TIGD5: variants seen among roughly 807,000 people sequenced by gnomAD.
TIGD5 encodes tigger transposable element derived 5.
A neutral mutation model predicts 28.8 loss-of-function variants in TIGD5; 24 were observed. The observed-to-expected ratio is 0.83, with a 90% confidence interval of 0.60 to 1.17. TIGD5 has a LOEUF of 1.17. Ranked by LOEUF, TIGD5 falls within the 50% of genes most tolerant of loss-of-function variation. TIGD5 has a pLI of 0.00. For missense variants in TIGD5, 922 were observed against 911.4 expected (o/e 1.01, Z -0.15); for synonymous variants, 538 against 430.5 (o/e 1.25, Z -3.09).
rs1564009037 is a variant in TIGD5 at position 143,601,095 on chromosome 8, G to GGGAA, written c.*1265_*1266insAAGG. On this transcript the variant is annotated 3_prime_UTR_variant, in exon 1 of 1. Coordinates refer to ENST00000504548, the MANE Select transcript of TIGD5 (RefSeq NM_032862.5). ...GCAGGGGTAGGCTGGAGGCCTGCACGGGGAAGGGAAGGGCTGTGCACCAGC... is the reference window on the plus strand; with the variant it reads ...GCAGGGGTAGGCTGGAGGCCTGCACGGGAAGGGAAGGGAAGGGCTGTGCACCAGC... 4.6e-5 allele frequency: 7 copies of GGGAA among 152,148 alleles called. No individual in the cohort carries two copies. Among genetic ancestry groups the GGGAA allele is most frequent in the Non-Finnish European group, 7.3e-5 (5 of 68,088 alleles). The allele number at this position is 152,148 out of a possible 1,614,324, so 9.4% of individuals were successfully genotyped here.
Position 143,599,481 on chromosome 8 carries a change from G to C in TIGD5, c.1578G>C (p.Pro526=). The C allele has an allele frequency of 6.3e-7, 1 of 1,592,034 alleles. No individual in the cohort carries two copies. The highest frequency in any genetic ancestry group is 8.5e-7 in the Non-Finnish European group (1 of 1,170,264). The change falls in exon 1 of 1, where the codon CCG becomes CCC. Residue 526 remains proline, a synonymous_variant. Transcript: ENST00000504548. ...CTCTGGCCTACAAGTGCCTGGCTCCGGAGGAGGTTGCGGAGTGGCTGCACC... is the reference window on the plus strand; with the variant it reads ...CTCTGGCCTACAAGTGCCTGGCTCCCGAGGAGGTTGCGGAGTGGCTGCACC... ...LAALAYKCLA[P]EEVAEWLHLD...
chr8:143,599,144 C>G lies in TIGD5; in HGVS notation c.1241C>G (p.Pro414Arg). ...LSKGSSRAHI[P>R]APLEQGVVAA... ...AAAGGCAGCAGCCGGGCACATATCCCCGCACCGCTGGAGCAGGGCGTGGTG... is the reference window on the plus strand; with the variant it reads ...AAAGGCAGCAGCCGGGCACATATCCGCGCACCGCTGGAGCAGGGCGTGGTG... The change falls in exon 1 of 1, where the codon CCC becomes CGC. Residue 414 changes from proline to arginine, a missense_variant. Pro to Arg is a moderately radical substitution (Grantham distance 103). Coordinates refer to ENST00000504548, the MANE Select transcript of TIGD5 (RefSeq NM_032862.5). 3 of 1,600,116 alleles carry G rather than the reference C, an allele frequency of 1.9e-6. No homozygotes were observed. Among genetic ancestry groups the G allele is most frequent in the Middle Eastern group, 1.7e-4 (1 of 6,028 alleles).
Position 143,599,749 on chromosome 8 carries a change from G to A in TIGD5, c.1846G>A (p.Val616Met). 2 of 1,498,484 alleles carry A rather than the reference G, an allele frequency of 1.3e-6. No individual in the cohort carries two copies. The highest frequency in any genetic ancestry group is 1.4e-5 in the African/African-American group (1 of 71,374). 92.8% of individuals were successfully genotyped at this position (1,498,484 alleles called of 1,614,324 possible). Residue 616 changes from valine to methionine, a missense_variant, in exon 1 of 1, where the codon GTG becomes ATG. Val to Met is a conservative substitution (Grantham distance 21). Coordinates refer to ENST00000504548, the MANE Select transcript of TIGD5 (RefSeq NM_032862.5). ...DPREVGPLRL[V>M]QLRSLISMAR... is the part of the protein sequence containing the mutation. ...CAGAGAGGTGGGGCCACTGAGGCTG[G>A]TGCAGTTGCGCTCACTCATCAGCAT...
At position 143,600,208 on chromosome 8, in the gene TIGD5, G is replaced by A. The variant is rs767434286; in HGVS notation, c.*376G>A. ...AGGGCCGAAACTCCTGTCTGCTATC[G>A]AGCCCTGGTGCTATGTGGCCCCGGA... On this transcript the variant is annotated 3_prime_UTR_variant, in exon 1 of 1. Transcript: ENST00000504548. 1.9e-4 allele frequency: 49 copies of A among 254,438 alleles called. No homozygotes were observed. Among genetic ancestry groups the A allele is most frequent in the Non-Finnish European group, 3.1e-4 (42 of 134,156 alleles). The allele number at this position is 254,438 out of a possible 1,614,324, so 15.8% of individuals were successfully genotyped here. A position where few individuals can be genotyped will look rare whatever the true frequency, so the allele number is the denominator to read the frequency against.
Position 143,602,282 on chromosome 8 carries a change from C to A in TIGD5, c.*2450C>A, listed in dbSNP as rs879344843. On this transcript the variant is annotated 3_prime_UTR_variant, in exon 1 of 1. Coordinates refer to ENST00000504548, the MANE Select transcript of TIGD5 (RefSeq NM_032862.5). The stretch of plus-strand genomic sequence containing the variant: ...TGTGACAGAGGCTTGGCCGCTGGGC[C>A]CCGCTGCTGAGAAGGCTGCTCTGCC... 2 of 152,236 alleles carry A rather than the reference C, an allele frequency of 1.3e-5. No individual in the cohort carries two copies. Among genetic ancestry groups the A allele is most frequent in the Non-Finnish European group, 2.9e-5 (2 of 68,070 alleles). The allele number at this position is 152,236 out of a possible 1,614,324, so 9.4% of individuals were successfully genotyped here. A position where few individuals can be genotyped will look rare whatever the true frequency, so the allele number is the denominator to read the frequency against.
Position 143,601,387 on chromosome 8 carries a change from G to C in TIGD5, c.*1555G>C, listed in dbSNP as rs1257759796. ...CACCTGCAGGAAGAGCCTCTGGCCT[G>C]AACTGCTGGGGATGGGCTGCAGAAA... is the stretch of plus-strand genomic sequence containing the variant. On this transcript the variant is annotated 3_prime_UTR_variant, in exon 1 of 1. Transcript: ENST00000504548. 6.6e-6 allele frequency: 1 copy of C among 152,264 alleles called. No homozygotes were observed. The highest frequency in any genetic ancestry group is 1.5e-5 in the Non-Finnish European group (1 of 68,062). The allele number at this position is 152,264 out of a possible 1,614,324, so 9.4% of individuals were successfully genotyped here. A position where few individuals can be genotyped will look rare whatever the true frequency, so the allele number is the denominator to read the frequency against.
At position 143,603,204 on chromosome 8, in the gene TIGD5, G is replaced by A. The variant is rs776671130; in HGVS notation, c.*3372G>A. 6.6e-6 allele frequency: 1 copy of A among 152,186 alleles called. No homozygotes were observed. The highest frequency in any genetic ancestry group is 1.5e-5 in the Non-Finnish European group (1 of 68,046). The allele number at this position is 152,186 out of a possible 1,614,324, so 9.4% of individuals were successfully genotyped here. ...CAGTGGCTTTATCTAATAAAGGCTGGACATGTCCACTTCATGAGCATCCCT... is the reference window on the plus strand; with the variant it reads ...CAGTGGCTTTATCTAATAAAGGCTGAACATGTCCACTTCATGAGCATCCCT... On this transcript the variant is annotated 3_prime_UTR_variant, in exon 1 of 1. Transcript: ENST00000504548.
At position 143,602,095 on chromosome 8, in the gene TIGD5, C is replaced by CCAA. The variant is rs746633829; in HGVS notation, c.*2263_*2264insCAA. On this transcript the variant is annotated 3_prime_UTR_variant, in exon 1 of 1. Transcript: ENST00000504548. Reference sequence around the variant, plus strand: ...TGCGCGACAGAGCGAGACTCTGTCTCAAAAAAAAAAAAAAAAAAGTGCAGG... The same window carrying CCAA: ...TGCGCGACAGAGCGAGACTCTGTCTCCAAAAAAAAAAAAAAAAAAAAGTGCAGG... 4.4e-5 allele frequency: 5 copies of CCAA among 113,752 alleles called. No individual in the cohort carries two copies. Among genetic ancestry groups the CCAA allele is most frequent in the Admixed American group, 1.8e-4 (2 of 11,154 alleles). 7.0% of individuals were successfully genotyped at this position (113,752 alleles called of 1,614,324 possible). A position where few individuals can be genotyped will look rare whatever the true frequency, so the allele number is the denominator to read the frequency against.
In TIGD5 at chr8:143,602,341, A is replaced by G. The variant is rs1206433246; in HGVS notation, c.*2509A>G. ...GCCCTGTGGGCAGTGCCAGCCATGG[A>G]TCCCTGAGACCCTGGGCTGGAACCT... On this transcript the variant is annotated 3_prime_UTR_variant, in exon 1 of 1. Coordinates refer to ENST00000504548, the MANE Select transcript of TIGD5 (RefSeq NM_032862.5). The G allele has an allele frequency of 6.6e-6, 1 of 152,232 alleles. No individual in the cohort carries two copies. The highest frequency in any genetic ancestry group is 1.9e-4 in the East Asian group (1 of 5,196). The allele number at this position is 152,232 out of a possible 1,614,324, so 9.4% of individuals were successfully genotyped here.
In TIGD5 at chr8:143,598,999, G is replaced by A; in HGVS notation, c.1096G>A (p.Ala366Thr). Residue 366 changes from alanine to threonine, a missense_variant, in exon 1 of 1, where the codon GCT (alanine) becomes ACT (threonine). This residue lies in a region of TIGD5 where 821 missense variants were observed against 815.2 expected (regional missense o/e 1.01). Coordinates refer to ENST00000504548, the MANE Select transcript of TIGD5 (RefSeq NM_032862.5). This position sits in a 1 kb window ranked among gnomAD's most constrained non-coding sequence, Gnocchi z 6.6. ...LVAHPPCPSP[A>T]ASMPALDSED... ...GGCCCACCCGCCCTGCCCAAGCCCA[G>A]CTGCCAGTATGCCCGCCCTGGACAG... is the stretch of plus-strand genomic sequence containing the variant. 6.5e-7 allele frequency: 1 copy of A among 1,534,106 alleles called. No individual in the cohort carries two copies. The highest frequency in any genetic ancestry group is 8.8e-7 in the Non-Finnish European group (1 of 1,134,034).
Position 143,597,888 on chromosome 8 carries a change from C to T in TIGD5, c.-16C>T, listed in dbSNP as rs1038837034. ...CTCCCGCGACCCGCGCGGCCCGGGT[C>T]CCCCCCGCCGCAGCCATGTACCCCG... On this transcript the variant is annotated 5_prime_UTR_variant, in exon 1 of 1. Coordinates refer to ENST00000504548, the MANE Select transcript of TIGD5 (RefSeq NM_032862.5). 7.5e-6 allele frequency: 6 copies of T among 804,732 alleles called. No homozygotes were observed. In the African/African-American group the frequency reaches 7.5e-5, roughly 10 times the overall value. 49.8% of individuals were successfully genotyped at this position (804,732 alleles called of 1,614,324 possible).
At position 143,599,393 on chromosome 8, in the gene TIGD5, C is replaced by T. The variant is rs201733245; in HGVS notation, c.1490C>T (p.Pro497Leu). Residue 497 changes from proline (P) to leucine (L), a missense_variant, in exon 1 of 1, where the codon CCG (proline) becomes CTG (leucine). By Grantham distance (98) the Pro-to-Leu change is moderately conservative. Coordinates refer to ENST00000504548, the MANE Select transcript of TIGD5 (RefSeq NM_032862.5). ...PRPGEDSAGQPAQAEEAAEHS... is the reference protein window; with the variant it reads ...PRPGEDSAGQLAQAEEAAEHS... ...CCCGGCGAGGACAGTGCTGGGCAGC[C>T]GGCCCAGGCCGAGGAAGCCGCCGAG... is the stretch of plus-strand genomic sequence containing the variant. 1.6e-3 allele frequency: 2,556 copies of T among 1,566,138 alleles called. 3 individuals carry two copies. Among genetic ancestry groups the T allele is most frequent in the Middle Eastern group, 3.7e-3 (22 of 5,972 alleles).
At position 143,598,668 on chromosome 8, in the gene TIGD5, C is replaced by T. The variant is rs1829160841; in HGVS notation, c.765C>T (p.Pro255=). 3 of 1,501,036 alleles carry T rather than the reference C, an allele frequency of 2.0e-6. No homozygotes were observed. In the South Asian group the frequency reaches 3.7e-5, roughly 19 times the overall value. The allele number at this position is 1,501,036 out of a possible 1,614,324, so 93.0% of individuals were successfully genotyped here. A position where few individuals can be genotyped will look rare whatever the true frequency, so the allele number is the denominator to read the frequency against. ...AGCTGCTTCCGGAGCAGGCTGCGCC[C>T]CCGGGCGCAGGGGACCCCGGGGCGG... ...YWKLLPEQAA[P]PGAGDPGAGG... is the part of the protein sequence containing the mutation. The change falls in exon 1 of 1, where the codon CCC becomes CCT. Residue 255 remains proline (P), a synonymous_variant. Coordinates refer to ENST00000504548, the MANE Select transcript of TIGD5 (RefSeq NM_032862.5). This position sits in a 1 kb window ranked among gnomAD's most constrained non-coding sequence, Gnocchi z 6.6.
Position 143,597,993 on chromosome 8 carries a change from C to G in TIGD5, c.90C>G (p.Val30=). 2 of 1,168,962 alleles carry G rather than the reference C, an allele frequency of 1.7e-6. No homozygotes were observed. Among genetic ancestry groups the G allele is most frequent in the Middle Eastern group, 3.4e-4 (1 of 2,922 alleles). 72.4% of individuals were successfully genotyped at this position (1,168,962 alleles called of 1,614,324 possible). The change falls in exon 1 of 1, where the codon GTC becomes GTG. Residue 30 remains valine, a synonymous_variant. Coordinates refer to ENST00000504548, the MANE Select transcript of TIGD5 (RefSeq NM_032862.5). The part of the protein sequence containing the change: ...PGPPAPAPAP[V]PAARPPPPAP... Reference sequence around the variant, plus strand: ...CCCCCGCGCCCGCCCCAGCCCCCGTCCCCGCTGCACGGCCGCCGCCCCCCG... The same window carrying G: ...CCCCCGCGCCCGCCCCAGCCCCCGTGCCCGCTGCACGGCCGCCGCCCCCCG...
Position 143,598,986 on chromosome 8 carries a change from C to A in TIGD5, c.1083C>A (p.Pro361=). ...CCGTGCTGCTGGTGGCCCACCCGCC[C>A]TGCCCAAGCCCAGCTGCCAGTATGC... ...QKAVLLVAHP[P]CPSPAASMPA... is the part of the protein sequence containing the mutation. Residue 361 remains proline, a synonymous_variant, in exon 1 of 1, where the codon CCC becomes CCA. Coordinates refer to ENST00000504548, the MANE Select transcript of TIGD5 (RefSeq NM_032862.5). The surrounding 1 kb of genome is among the most constrained non-coding windows in gnomAD (Gnocchi z 6.6). 1 of 1,574,170 alleles carries A rather than the reference C, an allele frequency of 6.4e-7. No homozygotes were observed. Among genetic ancestry groups the A allele is most frequent in the East Asian group, 2.3e-5 (1 of 43,474 alleles).
Position 143,598,755 on chromosome 8 carries a change from C to G in TIGD5, c.852C>G (p.Thr284=), listed in dbSNP as rs375208101. The G allele has an allele frequency of 1.3e-6, 2 of 1,583,540 alleles. No homozygotes were observed. Among genetic ancestry groups the G allele is most frequent in the Non-Finnish European group, 1.7e-6 (2 of 1,171,926 alleles). Residue 284 remains threonine (T), a synonymous_variant, in exon 1 of 1, where the codon ACC becomes ACG. Coordinates refer to ENST00000504548, the MANE Select transcript of TIGD5 (RefSeq NM_032862.5). This position sits in a 1 kb window ranked among gnomAD's most constrained non-coding sequence, Gnocchi z 6.6. ...RVTVLLAANL[T]GSHKLKPLVI... is the part of the protein sequence containing the mutation. ...CGGTGCTGCTGGCCGCAAACCTGAC[C>G]GGCAGCCACAAGCTGAAGCCGCTGG...
At position 143,599,323 on chromosome 8, in the gene TIGD5, G is replaced by A. The variant is rs1456162833; in HGVS notation, c.1420G>A (p.Glu474Lys). The A allele has an allele frequency of 1.2e-6, 2 of 1,600,768 alleles. No homozygotes were observed. The highest frequency in any genetic ancestry group is 8.5e-7 in the Non-Finnish European group (1 of 1,174,610). ...GGACCTGGTGCAGGCGGGCAGCATT[G>A]AGCGCTGCTGGCTGCTGGGCCTGCG... ...SWDLVQAGSI[E>K]RCWLLGLRAA... is the part of the protein sequence containing the mutation. Residue 474 changes from glutamate to lysine, a missense_variant, in exon 1 of 1, where the codon GAG (glutamate) becomes AAG (lysine). Transcript: ENST00000504548.
At position 143,598,025 on chromosome 8, in the gene TIGD5, G is replaced by T; in HGVS notation, c.122G>T (p.Gly41Val). 1.5e-6 allele frequency: 2 copies of T among 1,307,812 alleles called. No homozygotes were observed. Among genetic ancestry groups the T allele is most frequent in the Non-Finnish European group, 9.7e-7 (1 of 1,030,020 alleles). The allele number at this position is 1,307,812 out of a possible 1,614,324, so 81.0% of individuals were successfully genotyped here. The change falls in exon 1 of 1, where the codon GGG becomes GTG. Residue 41 changes from glycine (G) to valine (V), a missense_variant. Physicochemically the swap from Gly to Val is moderately radical, Grantham distance 109 (BLOSUM62 -3). Transcript: ENST00000504548. The surrounding 1 kb of genome is among the most constrained non-coding windows in gnomAD (Gnocchi z 6.6). ...GCACGGCCGCCGCCCCCCGCGCCCG[G>T]GCCGCGGCCCCGCGTGGCCGTGAAG... is the stretch of plus-strand genomic sequence containing the variant. ...PAARPPPPAP[G>V]PRPRVAVKMA...
chr8:143,600,512 C>T lies in TIGD5; in HGVS notation c.*680C>T, dbSNP rs1829245995. 6.6e-6 allele frequency: 1 copy of T among 152,214 alleles called. No individual in the cohort carries two copies. Among genetic ancestry groups the T allele is most frequent in the Non-Finnish European group, 1.5e-5 (1 of 68,046 alleles). The allele number at this position is 152,214 out of a possible 1,614,324, so 9.4% of individuals were successfully genotyped here. A position where few individuals can be genotyped will look rare whatever the true frequency, so the allele number is the denominator to read the frequency against. ...GGATTTTTAGTTTTCCCTAAGAAAA[C>T]TGAACAGATCTCTTATTCCGTGGGA... On this transcript the variant is annotated 3_prime_UTR_variant, in exon 1 of 1. Transcript: ENST00000504548.
Sources: allele counts gnomAD v4.1 joint callset, GRCh38; gene constraint gnomAD v4.1.1; regional missense constraint gnomAD v4.1.1; non-coding constraint Gnocchi (gnomAD v3.1); transcripts MANE v1.5; gene names NCBI Gene and HGNC (gene_info 2026-07-23, HGNC 2026-07-21).